Variants in IGSF21 observed in about 807,000 individuals in gnomAD.
IGSF21 encodes the protein immunoglobulin superfamily member 21.
In IGSF21, 28 loss-of-function variants were observed where a neutral mutation model predicts 46.8. The ratio of observed to expected loss-of-function variants is 0.60; its 90% CI spans 0.44 to 0.82. The LOEUF is 0.82. IGSF21 is among the 40% of genes least tolerant of loss of function. The pLI is 0.00. For missense variants in IGSF21, 624 were observed against 665.5 expected, an observed-to-expected ratio of 0.94 and a Z score of 0.69; for synonymous variants, 284 against 273.6, an observed-to-expected ratio of 1.04 and a Z score of -0.38.
chr1:18,360,423 G>A (rs192397735), intron 4 of IGSF21, among the ~76,000 whole-genome samples: 3 of 152,230 alleles, frequency 2.0e-5, no homozygotes, highest in South Asian at 2.1e-4. Context: ...AGAGTTGCCC[G>A]TGTGTCTGTC....
intron 3 of IGSF21, among the ~76,000 whole-genome samples, chr1:18,317,697 A>C (rs2085556846): frequency 6.6e-6 from 1 of 152,202 alleles, no homozygotes. Context: ...AGGCCTCTCA[A>C]AAGACAGCAG....
At chr1:18,288,026 C>T (rs2085232502) in intron 2 of IGSF21, among the ~76,000 whole-genome samples, 1 of 152,168 alleles carries the variant, frequency 6.6e-6, no homozygotes, top group Admixed American at 6.5e-5. Context: ...GTGAGCACTT[C>T]CCACCCACCA....
chr1:18,209,704 C>A (rs1324301619), intron 1 of IGSF21, among the ~76,000 whole-genome samples: 1 of 151,512 alleles, frequency 6.6e-6, no homozygotes, highest in African/African-American at 2.4e-5. Flanking sequence ...TTGTGATTTG[C>A]CCACCTTGGC....
At chr1:18,163,927 G>A in intron 1 of IGSF21, among the ~76,000 whole-genome samples, 1 of 152,156 alleles carries the variant, frequency 6.6e-6, no homozygotes, top group East Asian at 1.9e-4. Context: ...TATATGAAAA[G>A]GGAAATACCG....
intron 2 of IGSF21, among the ~76,000 whole-genome samples, chr1:18,286,806 C>A (rs2085215909): frequency 6.6e-6 from 1 of 152,218 alleles, no homozygotes; most frequent in Non-Finnish European, 1.5e-5. Context: ...TTCATTCACT[C>A]ATTGACTCAT....
chr1:18,377,294 G>T, intron 8 of IGSF21, 99 bp from the exon 9 acceptor site: 1 of 1,071,450 alleles, frequency 9.3e-7, no homozygotes, highest in Non-Finnish European at 1.5e-6. Context: ...GAGACAGTGC[G>T]TGTGATACCT....
chr1:18,177,927 G>T (rs1393058439), intron 1 of IGSF21, among the ~76,000 whole-genome samples: 1 of 152,100 alleles, frequency 6.6e-6, no homozygotes, highest in Non-Finnish European at 1.5e-5. Flanking sequence ...TATCTGAAGG[G>T]GCAGGGGTGG....
intron 1 of IGSF21, among the ~76,000 whole-genome samples, chr1:18,213,768 G>A (rs896196360): frequency 2.0e-5 from 3 of 152,174 alleles, no homozygotes; most frequent in African/African-American, 7.2e-5. Context: ...ACACAAGAAC[G>A]TGAGGTCCCA....
chr1:18,240,542 T>C (rs1216946491), intron 2 of IGSF21, among the ~76,000 whole-genome samples: 1 of 152,190 alleles, frequency 6.6e-6, no homozygotes, highest in Non-Finnish European at 1.5e-5. Context: ...AGGTGTCCTG[T>C]TTGTCTTTCT....
chr1:18,334,857 T>TG lies in IGSF21; in HGVS notation c.306-34dup. 2 of 1,522,486 alleles carry TG rather than the reference T, an allele frequency of 1.3e-6. No homozygotes were observed. The highest frequency in any genetic ancestry group is 4.5e-5 in the East Asian group (2 of 44,212). The allele number at this position is 1,522,486 out of a possible 1,614,324, so 94.3% of individuals were successfully genotyped here. A position where few individuals can be genotyped will look rare whatever the true frequency, so the allele number is the denominator to read the frequency against. ...AACGCTGCCTCACCCAGCCCCACGA[T>TG]GAAGGGCCCTCACCCTGTCTTCTGC... On this transcript the variant is annotated intron_variant, in intron 3 of 9. Transcript: ENST00000251296. This position sits in a 1 kb window ranked among gnomAD's most constrained non-coding sequence, Gnocchi z 4.3.
rs6656500 is a variant in IGSF21 at position 18,274,984 on chromosome 1, G to C, written c.184-16882G>C. On this transcript the variant is annotated intron_variant, in intron 2 of 9. Transcript: ENST00000251296. ...AGAGGTTGTAGTAAGCCGAAATCGC[G>C]CCACTGCACTCCAGCCTGGGTGATA... Among the ~76,000 whole-genome samples the C allele has an allele frequency of 6.6e-5, 10 of 151,910 alleles. 1 individual carries two copies. The highest frequency in any genetic ancestry group is 5.9e-4 in the Admixed American group (9 of 15,260).
chr1:18,119,137 C>A lies in IGSF21; in HGVS notation c.70+10939C>A, dbSNP rs79951719. Reference sequence around the variant, plus strand: ...CCTTCTTTCCTTCCTCCCTTCCTCCCTTCTTCCCTTCCCTCCTTCCTTCCT... The same window carrying A: ...CCTTCTTTCCTTCCTCCCTTCCTCCATTCTTCCCTTCCCTCCTTCCTTCCT... On this transcript the variant is annotated intron_variant, in intron 1 of 9. Coordinates refer to ENST00000251296, the MANE Select transcript of IGSF21 (RefSeq NM_032880.5). Among the ~76,000 whole-genome samples, 1,169 of 152,248 alleles carry A rather than the reference C, an allele frequency of 7.7e-3. 21 individuals carry two copies. Among genetic ancestry groups the A allele is most frequent in the African/African-American group, 0.026 (1,098 of 41,554 alleles).
chr1:18,287,877 A>T (rs2085230798), intron 2 of IGSF21, among the ~76,000 whole-genome samples: 1 of 152,152 alleles, frequency 6.6e-6, no homozygotes, highest in Admixed American at 6.5e-5. Flanking sequence ...CATTTACTGA[A>T]TTCCACATCC....
intron 4 of IGSF21, among the ~76,000 whole-genome samples, chr1:18,354,510 G>A (rs2085994211): frequency 6.6e-6 from 1 of 152,220 alleles, no homozygotes; most frequent in African/African-American, 2.4e-5. Context: ...TGTGAAATAT[G>A]GTGTAATGAC....
chr1:18,170,636 G>A (rs143865042), intron 1 of IGSF21, among the ~76,000 whole-genome samples: 42 of 152,008 alleles, frequency 2.8e-4, no homozygotes, highest in African/African-American at 9.7e-4. Flanking sequence ...AGCACAGAGA[G>A]GTTAAGCAAC....
At chr1:18,315,684 A>G (rs2085535479) in intron 3 of IGSF21, among the ~76,000 whole-genome samples, 1 of 151,144 alleles carries the variant, frequency 6.6e-6, no homozygotes, top group Non-Finnish European at 1.5e-5. Context: ...TAGATGATGG[A>G]TGGGTAGACA....
chr1:18,281,103 A>G (rs2085154622), intron 2 of IGSF21, among the ~76,000 whole-genome samples: 1 of 152,174 alleles, frequency 6.6e-6, no homozygotes, highest in South Asian at 2.1e-4. Flanking sequence ...GGAGGTGTTT[A>G]TGAATGAAGA....
intron 1 of IGSF21, among the ~76,000 whole-genome samples, chr1:18,120,830 C>G (rs147036438): frequency 1.3e-5 from 2 of 152,278 alleles, no homozygotes; most frequent in Middle Eastern, 3.4e-3. Flanking sequence ...GAAGCACTAG[C>G]GCTCTCCACA....
chr1:18,215,043 AC>A (rs1301050068), intron 1 of IGSF21, among the ~76,000 whole-genome samples: 2 of 152,172 alleles, frequency 1.3e-5, no homozygotes, highest in Non-Finnish European at 2.9e-5. Flanking sequence ...CCTGGCCAGT[AC>A]CACACTTTTA....
Sources: allele counts gnomAD v4.1 joint callset (sites outside exome capture counted in the v4.1 genomes callset), GRCh38; gene constraint gnomAD v4.1.1; non-coding constraint Gnocchi (gnomAD v3.1); transcripts MANE v1.5; gene names NCBI Gene and HGNC (gene_info 2026-07-23, HGNC 2026-07-21).